PRKCE: variants seen among roughly 807,000 people sequenced by gnomAD.
PRKCE encodes the protein protein kinase C epsilon type.
A neutral mutation model predicts 85.4 loss-of-function variants in PRKCE; 16 were observed. That is an observed-to-expected ratio of 0.19 (90% confidence interval 0.13 to 0.28). PRKCE has a LOEUF of 0.28. PRKCE is among the 10% of genes least tolerant of loss of function. The probability of loss-of-function intolerance (pLI) is 1.00; values close to 1 mark genes in which losing one functional copy is unlikely to be tolerated. For missense variants in PRKCE, 573 were observed against 975.2 expected, an observed-to-expected ratio of 0.59 and a Z score of 5.49; for synonymous variants, 388 against 371.5, an observed-to-expected ratio of 1.04 and a Z score of -0.51.
chr2:46,116,430 G>C (rs1339115956), intron 11 of PRKCE, among the ~76,000 whole-genome samples: 1 of 152,210 alleles, frequency 6.6e-6, no homozygotes, highest in Non-Finnish European at 1.5e-5. Context: ...TTTCATCCTA[G>C]TTTCAAATAA....
chr2:45,920,436 A>T (rs1301236993), intron 2 of PRKCE, among the ~76,000 whole-genome samples: 1 of 152,228 alleles, frequency 6.6e-6, no homozygotes, highest in East Asian at 1.9e-4. Context: ...AGGAATGAAA[A>T]CACAGAGACC....
intron 1 of PRKCE, among the ~76,000 whole-genome samples, chr2:45,661,537 T>TTTTTTG (rs1558533986): frequency 1.3e-4 from 18 of 139,284 alleles, no homozygotes; most frequent in African/African-American, 4.9e-4. Flanking sequence ...TTTGTTTTTT[T>TTTTTTG]TTTTTTTTTT....
chr2:45,958,496 G>A (rs1411110563), intron 2 of PRKCE, among the ~76,000 whole-genome samples: 2 of 145,634 alleles, frequency 1.4e-5, no homozygotes, highest in African/African-American at 5.1e-5. Flanking sequence ...CTGACAGAGG[G>A]AGACTCTGTC....
chr2:45,914,126 T>C (rs1261164394), intron 2 of PRKCE, among the ~76,000 whole-genome samples: 3 of 152,242 alleles, frequency 2.0e-5, no homozygotes, highest in Non-Finnish European at 4.4e-5. Context: ...CATAACTTAC[T>C]GATGACTTAA....
chr2:46,104,655 T>C (rs1671552208), intron 11 of PRKCE, among the ~76,000 whole-genome samples: 2 of 152,206 alleles, frequency 1.3e-5, no homozygotes, highest in South Asian at 4.1e-4. Context: ...ACTTCTTTGA[T>C]GTTCAACTTA....
At chr2:45,765,151 G>A (rs1489127748) in intron 1 of PRKCE, among the ~76,000 whole-genome samples, 3 of 152,128 alleles carry the variant, frequency 2.0e-5, no homozygotes, top group Non-Finnish European at 4.4e-5. Context: ...ACGTTCTTAA[G>A]CCATGCATAA....
chr2:46,059,666 C>A (rs1414926431), intron 10 of PRKCE, among the ~76,000 whole-genome samples: 2 of 152,078 alleles, frequency 1.3e-5, no homozygotes, highest in Non-Finnish European at 2.9e-5. Flanking sequence ...ATTCTCAAAA[C>A]CCAGAAGCCA....
intron 13 of PRKCE, among the ~76,000 whole-genome samples, chr2:46,152,256 A>T (rs1676711860): frequency 6.6e-6 from 1 of 150,782 alleles, no homozygotes; most frequent in African/African-American, 2.4e-5. Context: ...ATCTTGGCTC[A>T]CTGCAATCTC....
intron 3 of PRKCE, among the ~76,000 whole-genome samples, chr2:45,977,781 T>C (rs995035928): frequency 5.3e-5 from 8 of 152,200 alleles, no homozygotes; most frequent in African/African-American, 1.9e-4. Context: ...GTCAGAAGTA[T>C]GATTCTACCC....
chr2:45,831,120 T>C (rs1313038429), intron 1 of PRKCE, among the ~76,000 whole-genome samples: 1 of 151,976 alleles, frequency 6.6e-6, no homozygotes, highest in East Asian at 1.9e-4. Flanking sequence ...GACTCAAAGA[T>C]CTGAGAAAGG....
At chr2:45,837,708 T>C (rs1458244112) in intron 1 of PRKCE, among the ~76,000 whole-genome samples, 1 of 151,988 alleles carries the variant, frequency 6.6e-6, no homozygotes, top group Non-Finnish European at 1.5e-5. Context: ...AACCCCAGCT[T>C]TCTCAGATTC....
At chr2:45,749,820 A>G (rs1683406018) in intron 1 of PRKCE, among the ~76,000 whole-genome samples, 1 of 152,172 alleles carries the variant, frequency 6.6e-6, no homozygotes, top group Non-Finnish European at 1.5e-5. Flanking sequence ...CCCCCTGTTC[A>G]TTACAGCTGC....
intron 10 of PRKCE, among the ~76,000 whole-genome samples, chr2:46,073,091 C>G (rs775528243): frequency 6.6e-6 from 1 of 152,206 alleles, no homozygotes; most frequent in South Asian, 2.1e-4. Flanking sequence ...CCAAGGGGTT[C>G]TAAACGTCCA....
chr2:46,008,462 T>G (rs1321874390), intron 9 of PRKCE, among the ~76,000 whole-genome samples: 5 of 152,232 alleles, frequency 3.3e-5, no homozygotes, highest in African/African-American at 1.2e-4. Context: ...TCCCTGGTTC[T>G]GTTCAGAGCT....
Position 46,016,107 on chromosome 2 carries a change from TC to T in PRKCE, c.1437+5592del, listed in dbSNP as rs1176917138. Among the ~76,000 whole-genome samples the T allele has an allele frequency of 4.6e-5, 7 of 152,254 alleles. No individual in the cohort carries two copies. The East Asian group carries it at 1.4e-3, about 29-fold the overall frequency. On this transcript the variant is annotated intron_variant, in intron 10 of 14. Coordinates refer to ENST00000306156, the MANE Select transcript of PRKCE (RefSeq NM_005400.3). ...TTAATAGAATCAGACTCCAGGGAAG[TC>T]CATCTCTTTACTTCTGAAGACCATC...
chr2:46,029,434 C>G (rs1707359518), intron 10 of PRKCE, among the ~76,000 whole-genome samples: 1 of 152,146 alleles, frequency 6.6e-6, no homozygotes. Flanking sequence ...TTTCATGTGA[C>G]ACCGGGGTGA....
At chr2:45,691,231 C>T (rs533334904) in intron 1 of PRKCE, among the ~76,000 whole-genome samples, 5 of 152,252 alleles carry the variant, frequency 3.3e-5, no homozygotes, top group East Asian at 3.9e-4. Context: ...TTTGCATTTC[C>T]GTGGCAGGAA....
intron 11 of PRKCE, among the ~76,000 whole-genome samples, chr2:46,093,847 G>A (rs1357928310): frequency 6.6e-6 from 1 of 151,608 alleles, no homozygotes; most frequent in East Asian, 1.9e-4. Context: ...CTCTCAATAT[G>A]GTTTACTGTA....
intron 2 of PRKCE, among the ~76,000 whole-genome samples, chr2:45,919,490 GT>G (rs1698092355): frequency 6.6e-6 from 1 of 152,224 alleles, no homozygotes; most frequent in African/African-American, 2.4e-5. Flanking sequence ...TTGTCTTGGG[GT>G]TGAATTTGGG....
Sources: gnomAD v4.1 joint callset for allele counts (sites outside exome capture counted in the v4.1 genomes callset) on GRCh38, gnomAD v4.1.1 for gene constraint, MANE v1.5 for transcripts, NCBI Gene and HGNC (gene_info 2026-07-23, HGNC 2026-07-21) for gene names.